Variants in SORCS3 observed in about 807,000 individuals in gnomAD.
SORCS3 encodes the protein VPS10 domain-containing receptor SorCS3.
In SORCS3, 57 loss-of-function variants were observed where a neutral mutation model predicts 146.3. That is an observed-to-expected ratio of 0.39 (90% CI 0.31 to 0.49). The LOEUF (loss-of-function observed/expected upper bound fraction) is 0.49, where lower values mean the gene tolerates loss of function less well. Ranked by LOEUF, SORCS3 falls within the 20% of genes least tolerant of loss-of-function variation. The probability of loss-of-function intolerance (pLI) is 0.92; values close to 1 mark genes in which losing one functional copy is unlikely to be tolerated. For missense variants in SORCS3, 1,341 were observed against 1,575.5 expected, an observed-to-expected ratio of 0.85 and a Z score of 2.52; for synonymous variants, 653 against 618.5, an observed-to-expected ratio of 1.06 and a Z score of -0.83.
chr10:105,252,648 C>A, intron 22 of SORCS3, 127 bp from the exon 23 acceptor site: 2 of 1,110,756 alleles, frequency 1.8e-6, no homozygotes, highest in Non-Finnish European at 2.6e-6. Flanking sequence ...TATATTGGAG[C>A]CTGTGCCTAA....
chr10:104,751,923 G>GAATATATATATATA (rs1564675362), intron 1 of SORCS3, among the ~76,000 whole-genome samples: 18 of 21,748 alleles, frequency 8.3e-4, no homozygotes, highest in South Asian at 2.9e-3. Flanking sequence ...CTAATAGGAA[G>GAATATATATATATA]CATATATATA....
At chr10:105,074,816 A>G (rs768732) in intron 5 of SORCS3, among the ~76,000 whole-genome samples, 104,758 of 151,888 alleles carry the variant, frequency 0.69, 36,336 homozygotes, top group East Asian at 0.84. Context: ...TGTCTACACC[A>G]ATATCATGTA....
chr10:105,027,656 A>G (rs529070324), intron 4 of SORCS3, among the ~76,000 whole-genome samples: 98 of 152,338 alleles, frequency 6.4e-4, no homozygotes, highest in Non-Finnish European at 7.3e-5. Context: ...CTGAGGTTCA[A>G]CAAGCAACAC....
chr10:104,984,439 A>G (rs370032359), intron 4 of SORCS3, among the ~76,000 whole-genome samples: 142 of 152,294 alleles, frequency 9.3e-4, no homozygotes, highest in Middle Eastern at 3.4e-3. Context: ...TCCTTCCTGG[A>G]AAATATCTTG....
intron 3 of SORCS3, among the ~76,000 whole-genome samples, chr10:104,962,059 C>A (rs2054798881): frequency 6.6e-6 from 1 of 151,854 alleles, no homozygotes; most frequent in Non-Finnish European, 1.5e-5. Flanking sequence ...TATATTTAAA[C>A]ATAAAATCGC....
chr10:104,773,138 A>C (rs979458365), intron 1 of SORCS3, among the ~76,000 whole-genome samples: 2 of 152,170 alleles, frequency 1.3e-5, no homozygotes, highest in Admixed American at 1.3e-4. Flanking sequence ...AGCAGCACAC[A>C]TGTGAGTCCC....
At chr10:105,176,119 G>A (rs572005408) in intron 13 of SORCS3, among the ~76,000 whole-genome samples, 52 of 152,116 alleles carry the variant, frequency 3.4e-4, no homozygotes, top group Non-Finnish European at 5.9e-4. Context: ...TTTAAAGAGG[G>A]CCCGTCATTA....
intron 20 of SORCS3, 58 bp from the exon 21 acceptor site, chr10:105,245,484 G>A: frequency 6.3e-7 from 1 of 1,585,808 alleles, no homozygotes; most frequent in Non-Finnish European, 8.6e-7. Context: ...TTTCAGGAAA[G>A]GAAATAAAGT....
chr10:105,107,917 C>A (rs890687364), intron 7 of SORCS3, among the ~76,000 whole-genome samples: 48 of 152,262 alleles, frequency 3.2e-4, no homozygotes, highest in African/African-American at 9.9e-4. Context: ...TTTGACTTAT[C>A]TATAAAAAGA....
intron 1 of SORCS3, among the ~76,000 whole-genome samples, chr10:104,757,854 A>C (rs2017072262): frequency 2.5e-4 from 2 of 7,918 alleles, no homozygotes; most frequent in African/African-American, 6.3e-4. Context: ...CCCCACTGCC[A>C]CCACCCCCCC....
intron 20 of SORCS3, among the ~76,000 whole-genome samples, chr10:105,229,503 T>C (rs1213044043): frequency 2.6e-5 from 4 of 152,170 alleles, no homozygotes; most frequent in Admixed American, 2.0e-4. Context: ...GAATTTGCTT[T>C]TGTAGGGAGG....
intron 7 of SORCS3, among the ~76,000 whole-genome samples, chr10:105,114,276 C>T (rs2055878717): frequency 6.6e-6 from 1 of 151,956 alleles, no homozygotes; most frequent in African/African-American, 2.4e-5. Flanking sequence ...ACTGACAAGT[C>T]TTCAAAAATT....
At chr10:104,652,430 A>G (rs750919688) in intron 1 of SORCS3, among the ~76,000 whole-genome samples, 1 of 152,190 alleles carries the variant, frequency 6.6e-6, no homozygotes, top group Non-Finnish European at 1.5e-5. Flanking sequence ...GTCACAGTTA[A>G]AAAATGAGAT....
intron 3 of SORCS3, among the ~76,000 whole-genome samples, chr10:104,957,656 T>C (rs1013503560): frequency 1.3e-5 from 2 of 152,104 alleles, no homozygotes; most frequent in Non-Finnish European, 2.9e-5. Context: ...CAGTCCTTCC[T>C]CTCCTACCTC....
intron 1 of SORCS3, among the ~76,000 whole-genome samples, chr10:104,722,343 G>T (rs2133445959): frequency 6.6e-6 from 1 of 152,280 alleles, no homozygotes; most frequent in South Asian, 2.1e-4. Flanking sequence ...TGATCATGGT[G>T]GATAAGCTTT....
At chr10:104,952,255 GA>G (rs55880149) in intron 3 of SORCS3, among the ~76,000 whole-genome samples, 341 of 40,596 alleles carry the variant, frequency 8.4e-3, no homozygotes, top group South Asian at 0.038. Context: ...ATGAATGTTT[GA>G]AAAAAAAAAA....
chr10:104,677,314 AG>A (rs2015922236), intron 1 of SORCS3, among the ~76,000 whole-genome samples: 2 of 152,280 alleles, frequency 1.3e-5, no homozygotes, highest in South Asian at 4.1e-4. Context: ...TCTTTTGCAA[AG>A]TCTATCCTGA....
chr10:105,261,691 C>G (rs1022799277), intron 25 of SORCS3, among the ~76,000 whole-genome samples: 1 of 152,206 alleles, frequency 6.6e-6, no homozygotes, highest in Non-Finnish European at 1.5e-5. Context: ...GCTAGTCTGC[C>G]TTGCGTTTCC....
intron 2 of SORCS3, among the ~76,000 whole-genome samples, chr10:104,903,842 A>T (rs1285415778): frequency 6.6e-6 from 1 of 152,272 alleles, no homozygotes; most frequent in South Asian, 2.1e-4. Context: ...ACAAGAATCC[A>T]TATATCTTCT....
Sources: allele counts gnomAD v4.1 joint callset (sites outside exome capture counted in the v4.1 genomes callset), GRCh38; gene constraint gnomAD v4.1.1; transcripts MANE v1.5; gene names NCBI Gene and HGNC (gene_info 2026-07-23, HGNC 2026-07-21).